ARHGAP21: variants seen among roughly 807,000 people sequenced by gnomAD.
The protein encoded by ARHGAP21 is Rho GTPase activating protein 21.
ARHGAP21 carries 38 observed loss-of-function variants against 164.6 expected under a neutral mutation model. That is an observed-to-expected ratio of 0.23 (90% CI 0.18 to 0.30). The LOEUF (loss-of-function observed/expected upper bound fraction) is 0.30, where lower values mean the gene tolerates loss of function less well. ARHGAP21 is among the 10% of genes least tolerant of loss of function. The pLI is 1.00. For synonymous variants in ARHGAP21, 766 were observed against 857.9 expected (o/e 0.89, Z 1.87); for missense variants, 1,822 against 2,370.7 (o/e 0.77, Z 4.81).
chr10:24,625,299 G>GAAAAAAAAAAAAAAAAAAA (rs34935501), intron 7 of ARHGAP21, among the ~76,000 whole-genome samples: 13 of 53,694 alleles, frequency 2.4e-4, no homozygotes, highest in Middle Eastern at 0.013. Flanking sequence ...ATGAAACAGA[G>GAAAAAAAAAAAAAAAAAAA]AAAAAAAAAA....
intron 2 of ARHGAP21, among the ~76,000 whole-genome samples, chr10:24,684,163 T>C (rs1842022519): frequency 6.6e-6 from 1 of 152,044 alleles, no homozygotes; most frequent in Non-Finnish European, 1.5e-5. Flanking sequence ...GGTGCACGCC[T>C]GTAATTCCAG....
chr10:24,645,749 T>G (rs139387579), intron 4 of ARHGAP21, among the ~76,000 whole-genome samples: 8 of 152,206 alleles, frequency 5.3e-5, no homozygotes, highest in African/African-American at 1.9e-4. Flanking sequence ...TGCCAGGAAC[T>G]GTTCTGGGCT....
chr10:24,633,231 T>G (rs1027515368), intron 6 of ARHGAP21, among the ~76,000 whole-genome samples, 171 bp downstream of exon 6: 2 of 152,222 alleles, frequency 1.3e-5, no homozygotes, highest in Non-Finnish European at 2.9e-5. Flanking sequence ...CCAACTAAGC[T>G]ATCCTCAGAT....
chr10:24,593,256 G>C (rs2076416031), intron 21 of ARHGAP21, among the ~76,000 whole-genome samples: 1 of 152,006 alleles, frequency 6.6e-6, no homozygotes, highest in Admixed American at 6.5e-5. Flanking sequence ...AGTTGGCTTG[G>C]TAGAAAGAAA....
intron 2 of ARHGAP21, among the ~76,000 whole-genome samples, chr10:24,683,811 T>C (rs551635239): frequency 1.3e-5 from 2 of 152,222 alleles, no homozygotes; most frequent in Non-Finnish European, 2.9e-5. Flanking sequence ...ACACAATGTT[T>C]TACCTGCAAA....
chr10:24,720,992 A>G (rs1399914464), intron 2 of ARHGAP21, among the ~76,000 whole-genome samples: 1 of 133,846 alleles, frequency 7.5e-6, no homozygotes, highest in African/African-American at 3.1e-5. Context: ...TCCAAACACG[A>G]GGAAAAAAAA....
chr10:24,722,292 GAA>G lies in ARHGAP21; in HGVS notation c.-380-15_-380-14del, dbSNP rs766745956. 1 of 210,870 alleles carries G rather than the reference GAA, an allele frequency of 4.7e-6. No individual in the cohort carries two copies. Among genetic ancestry groups the G allele is most frequent in the Non-Finnish European group, 9.9e-6 (1 of 101,254 alleles). 13.1% of individuals were successfully genotyped at this position (210,870 alleles called of 1,614,324 possible). On this transcript the variant is annotated splice_polypyrimidine_tract_variant and intron_variant, in intron 1 of 25. Coordinates refer to ENST00000396432, the MANE Select transcript of ARHGAP21 (RefSeq NM_020824.4). The stretch of plus-strand genomic sequence containing the variant: ...TCCTAGAGAGATCCTAGGAAAACGA[GAA>G]GTTAAAGGTCATGAACTTTCTCCAG...
chr10:24,690,837 A>T (rs200504063), intron 2 of ARHGAP21, among the ~76,000 whole-genome samples: 9,607 of 147,104 alleles, frequency 0.065, 396 homozygotes, highest in African/African-American at 0.1. Flanking sequence ...CAAAAAAAAA[A>T]ATATATATAT....
intron 9 of ARHGAP21, among the ~76,000 whole-genome samples, chr10:24,609,432 G>C (rs775174945): frequency 3.3e-5 from 5 of 152,146 alleles, no homozygotes; most frequent in Non-Finnish European, 7.4e-5. Context: ...ATACTCACCT[G>C]TTCTAAAGGA....
At chr10:24,604,478 T>TC in intron 11 of ARHGAP21, 130 bp from the exon 12 acceptor site, 1 of 537,998 alleles carries the variant, frequency 1.9e-6, no homozygotes, top group Non-Finnish European at 3.1e-6. Flanking sequence ...ATGTTAAATG[T>TC]CCACTATTCA....
chr10:24,602,577 T>C (rs958138493), intron 12 of ARHGAP21, among the ~76,000 whole-genome samples: 1 of 152,208 alleles, frequency 6.6e-6, no homozygotes, highest in African/African-American at 2.4e-5. Flanking sequence ...ATATCATCAT[T>C]ATCACTTTAA....
chr10:24,590,497 A>G, intron 24 of ARHGAP21: 3 of 1,534,210 alleles, frequency 2.0e-6, no homozygotes, highest in Non-Finnish European at 2.6e-6. Flanking sequence ...ACATCAGTAT[A>G]GATTTGCCTG....
Position 24,723,729 on chromosome 10 carries a change from C to A in ARHGAP21, c.-548G>T. On this transcript the variant is annotated 5_prime_UTR_variant, in exon 1 of 26. Coordinates refer to ENST00000396432, the MANE Select transcript of ARHGAP21 (RefSeq NM_020824.4). ...TCCGAGGCCGCCGCCCCCGGCCGGC[C>A]GCTCCCAGGCACCGCCGCGACCTGC... 1 of 146,860 alleles carries A rather than the reference C, an allele frequency of 6.8e-6. No homozygotes were observed. Among genetic ancestry groups the A allele is most frequent in the South Asian group, 1.9e-4 (1 of 5,380 alleles). 9.1% of individuals were successfully genotyped at this position (146,860 alleles called of 1,614,324 possible).
At chr10:24,659,418 C>T (rs1180193675) in intron 4 of ARHGAP21, among the ~76,000 whole-genome samples, 1 of 152,160 alleles carries the variant, frequency 6.6e-6, no homozygotes, top group Admixed American at 6.5e-5. Context: ...CGGGTTCAAG[C>T]GATTCTCCTG....
At chr10:24,709,258 C>T (rs565534337) in intron 2 of ARHGAP21, among the ~76,000 whole-genome samples, 1 of 152,092 alleles carries the variant, frequency 6.6e-6, no homozygotes, top group Non-Finnish European at 1.5e-5. Flanking sequence ...AAGGCTCAAT[C>T]AGTAATTTAA....
chr10:24,715,410 T>C (rs1845269395), intron 2 of ARHGAP21, among the ~76,000 whole-genome samples: 1 of 152,196 alleles, frequency 6.6e-6, no homozygotes. Flanking sequence ...TTTTAAGAAA[T>C]AAAACATCAT....
At position 24,585,251 on chromosome 10, in the gene ARHGAP21, T is replaced by C. The variant is rs1415325658; in HGVS notation, c.5038A>G (p.Ser1680Gly). Residue 1680 changes from serine (S) to glycine (G), a missense_variant, in exon 26 of 26, where the codon AGT becomes GGT. Transcript: ENST00000396432. ...CGGCTATCTAAACTTGATGTTAAAC[T>C]TCCCTCGGTGCAACTTAATTCACTT... is the stretch of plus-strand genomic sequence containing the variant. ...EGSELSCTEGSLTSSLDSRRQ... is the reference protein window; with the variant it reads ...EGSELSCTEGGLTSSLDSRRQ... 1 of 1,606,122 alleles carries C rather than the reference T, an allele frequency of 6.2e-7. No homozygotes were observed. Among genetic ancestry groups the C allele is most frequent in the Non-Finnish European group, 8.5e-7 (1 of 1,178,370 alleles).
intron 25 of ARHGAP21, among the ~76,000 whole-genome samples, chr10:24,588,090 G>T (rs896302516): frequency 6.6e-6 from 1 of 152,162 alleles, no homozygotes; most frequent in East Asian, 1.9e-4. Context: ...ACAAAGAAAT[G>T]CAAGGAATGA....
chr10:24,596,591 G>T, intron 17 of ARHGAP21, 149 bp downstream of exon 17: 1 of 1,031,042 alleles, frequency 9.7e-7, no homozygotes, highest in Non-Finnish European at 1.4e-6. Context: ...AGCATTACAG[G>T]TCAGAAATAC....
Sources: allele counts gnomAD v4.1 joint callset (sites outside exome capture counted in the v4.1 genomes callset), GRCh38; gene constraint gnomAD v4.1.1; transcripts MANE v1.5; gene names NCBI Gene and HGNC (gene_info 2026-07-23, HGNC 2026-07-21).